ESRRG: variants seen among roughly 807,000 people sequenced by gnomAD.
ESRRG encodes the protein estrogen related receptor gamma, also known as estrogen-related receptor gamma.
Under a neutral mutation model 44.0 loss-of-function variants are expected in ESRRG, and 13 were observed. That is an observed-to-expected ratio of 0.30 (90% CI 0.19 to 0.47). ESRRG has a LOEUF of 0.47. ESRRG is among the 20% of genes least tolerant of loss of function. The probability of loss-of-function intolerance (pLI) is 1.00; values close to 1 mark genes in which losing one functional copy is unlikely to be tolerated. For synonymous variants in ESRRG, 215 were observed against 214.6 expected (o/e 1.00, Z -0.02); for missense variants, 395 against 580.6 (o/e 0.68, Z 3.29).
intron 1 of ESRRG, among the ~76,000 whole-genome samples, chr1:217,088,906 A>G (rs1210574819): frequency 6.6e-6 from 1 of 151,994 alleles, no homozygotes; most frequent in Non-Finnish European, 1.5e-5. Flanking sequence ...TAAAATAGTT[A>G]AATGATGATC....
intron 1 of ESRRG, among the ~76,000 whole-genome samples, chr1:216,981,296 C>T (rs1279511706): frequency 6.6e-6 from 1 of 152,166 alleles, no homozygotes; most frequent in Non-Finnish European, 1.5e-5. Context: ...CTGGATTTCT[C>T]AAAGAACGTA....
intron 5 of ESRRG, among the ~76,000 whole-genome samples, chr1:216,539,143 T>C (rs559325127): frequency 2.6e-5 from 4 of 152,148 alleles, no homozygotes; most frequent in South Asian, 2.1e-4. Flanking sequence ...ACTTCAGATC[T>C]TTGGAGGGAT....
intron 2 of ESRRG, among the ~76,000 whole-genome samples, chr1:216,816,400 A>C (rs1045175549): frequency 6.6e-6 from 1 of 152,202 alleles, no homozygotes; most frequent in Non-Finnish European, 1.5e-5. Flanking sequence ...TGTGCCCAAT[A>C]AATATATACA....
intron 2 of ESRRG, among the ~76,000 whole-genome samples, chr1:216,848,729 A>C (rs1377930959): frequency 6.6e-6 from 1 of 152,072 alleles, no homozygotes; most frequent in Non-Finnish European, 1.5e-5. Context: ...TGAATAATTG[A>C]CTGCACTTCG....
At chr1:216,645,691 G>A (rs1028871822) in intron 3 of ESRRG, among the ~76,000 whole-genome samples, 1 of 151,888 alleles carries the variant, frequency 6.6e-6, no homozygotes, top group Non-Finnish European at 1.5e-5. Flanking sequence ...GAGTAACATA[G>A]TGAGATGCCA....
chr1:216,629,601 T>C (rs1034088854), intron 3 of ESRRG, among the ~76,000 whole-genome samples: 1 of 152,152 alleles, frequency 6.6e-6, no homozygotes, highest in African/African-American at 2.4e-5. Context: ...AGTGTGTAGA[T>C]GCTGCAATAC....
At chr1:216,695,904 T>C (rs546624641) in intron 1 of ESRRG, among the ~76,000 whole-genome samples, 1 of 152,318 alleles carries the variant, frequency 6.6e-6, no homozygotes, top group East Asian at 1.9e-4. Context: ...TCAACAAGGA[T>C]ATGTTCTGGG....
chr1:216,656,314 G>A (rs1268298792), intron 2 of ESRRG, among the ~76,000 whole-genome samples: 1 of 152,172 alleles, frequency 6.6e-6, no homozygotes, highest in Non-Finnish European at 1.5e-5. Context: ...TCAATAGCTA[G>A]GGAAGTGTGC....
intron 2 of ESRRG, among the ~76,000 whole-genome samples, chr1:216,802,738 C>A (rs1372197950): frequency 6.6e-6 from 1 of 152,064 alleles, no homozygotes; most frequent in Non-Finnish European, 1.5e-5. Context: ...CCCCATTTAT[C>A]AAAATGATGA....
At position 216,506,405 on chromosome 1, in the gene ESRRG, A is replaced by C. The variant is rs1241514297; in HGVS notation, c.*534T>G. 3.2e-6 allele frequency: 1 copy of C among 307,712 alleles called. No homozygotes were observed. Among genetic ancestry groups the C allele is most frequent in the Non-Finnish European group, 6.4e-6 (1 of 157,228 alleles). 19.1% of individuals were successfully genotyped at this position (307,712 alleles called of 1,614,324 possible). A position where few individuals can be genotyped will look rare whatever the true frequency, so the allele number is the denominator to read the frequency against. On this transcript the variant is annotated 3_prime_UTR_variant, in exon 7 of 7. Coordinates refer to ENST00000408911, the MANE Select transcript of ESRRG (RefSeq NM_001438.4). ...AGTTAGAGACCTCTTTTAAAAGTTC[A>C]GCAGCAGAAGGAAGAAAAAGAAAGA...
At chr1:216,753,668 T>C (rs980820298) in intron 2 of ESRRG, among the ~76,000 whole-genome samples, 4 of 152,124 alleles carry the variant, frequency 2.6e-5, no homozygotes, top group African/African-American at 9.6e-5. Context: ...CTTACATTCC[T>C]GTGGTATAGC....
At chr1:216,923,922 A>G (rs547284365) in intron 2 of ESRRG, among the ~76,000 whole-genome samples, 1 of 152,322 alleles carries the variant, frequency 6.6e-6, no homozygotes, top group Admixed American at 6.5e-5. Context: ...ATAATTAATG[A>G]ATGTATCAAA....
chr1:216,850,764 A>T (rs2095830011), intron 2 of ESRRG, among the ~76,000 whole-genome samples: 1 of 152,038 alleles, frequency 6.6e-6, no homozygotes, highest in Admixed American at 6.6e-5. Flanking sequence ...AATGGAAATA[A>T]GATTGATGAT....
chr1:216,828,893 C>T (rs1039234407), intron 2 of ESRRG, among the ~76,000 whole-genome samples: 1 of 152,090 alleles, frequency 6.6e-6, no homozygotes, highest in Non-Finnish European at 1.5e-5. Context: ...GATCATGGTG[C>T]ACATTTCAGT....
intron 5 of ESRRG, among the ~76,000 whole-genome samples, chr1:216,545,610 TATTC>T (rs1171786993): frequency 6.6e-6 from 1 of 152,134 alleles, no homozygotes; most frequent in Non-Finnish European, 1.5e-5. Flanking sequence ...ATTTTATTGA[TATTC>T]AAATAATAAG....
At chr1:217,093,872 T>C (rs554483633), upstream of ESRRG, among the ~76,000 whole-genome samples, 10 of 151,474 alleles carry the variant, frequency 6.6e-5, no homozygotes, top group Non-Finnish European at 1.2e-4. Context: ...ATTATTATAT[T>C]TTTTATTAAT....
At chr1:216,573,248 A>T (rs2061136508) in intron 3 of ESRRG, among the ~76,000 whole-genome samples, 1 of 151,958 alleles carries the variant, frequency 6.6e-6, no homozygotes, top group Non-Finnish European at 1.5e-5. Flanking sequence ...CCTTTATCTT[A>T]AATATTATGC....
intron 2 of ESRRG, among the ~76,000 whole-genome samples, chr1:216,783,077 G>C (rs2093992543): frequency 6.6e-6 from 1 of 151,944 alleles, no homozygotes. Flanking sequence ...AGAAGAGTTA[G>C]GGGGCATATC....
At chr1:216,903,762 T>C (rs562146320) in intron 2 of ESRRG, among the ~76,000 whole-genome samples, 1 of 152,204 alleles carries the variant, frequency 6.6e-6, no homozygotes, top group African/African-American at 2.4e-5. Flanking sequence ...TAAATGCCCC[T>C]GACATGCCAT....
Sources: gnomAD v4.1 joint callset for allele counts (sites outside exome capture counted in the v4.1 genomes callset) on GRCh38, gnomAD v4.1.1 for gene constraint, MANE v1.5 for transcripts, NCBI Gene and HGNC (gene_info 2026-07-23, HGNC 2026-07-21) for gene names.